Variants in LRRC52 observed in about 807,000 individuals in gnomAD.
LRRC52 encodes leucine rich repeat containing 52.
LRRC52 carries 15 observed loss-of-function variants against 14.7 expected under a neutral mutation model. That is an observed-to-expected ratio of 1.02 (90% CI 0.68 to 1.58). LRRC52 has a LOEUF of 1.58. Among genes scored for constraint, LRRC52 ranks in the 40% most tolerant of loss-of-function variants. LRRC52 has a pLI of 0.00. For synonymous variants in LRRC52, 180 were observed against 163.9 expected (o/e 1.10, Z -0.75); for missense variants, 400 against 387.7 (o/e 1.03, Z -0.27).
At chr1:165,545,351 A>G (rs1040166937) in intron 1 of LRRC52, among the ~76,000 whole-genome samples, 9 of 152,198 alleles carry the variant, frequency 5.9e-5, no homozygotes, top group African/African-American at 2.2e-4. Context: ...TTAATTCAGC[A>G]ACTGAATTTT....
At chr1:165,545,995 A>G (rs915535058) in intron 1 of LRRC52, among the ~76,000 whole-genome samples, 1 of 152,096 alleles carries the variant, frequency 6.6e-6, no homozygotes, top group East Asian at 1.9e-4. Context: ...AACTTCCACC[A>G]TGAAGTACTG....
intron 1 of LRRC52, among the ~76,000 whole-genome samples, chr1:165,554,876 A>G (rs564975926): frequency 6.6e-6 from 1 of 152,352 alleles, no homozygotes; most frequent in African/African-American, 2.4e-5. Flanking sequence ...TTTTCAATGC[A>G]TTTTCTTCTA....
In LRRC52 at chr1:165,544,326, G is replaced by T; in HGVS notation, c.30G>T (p.Gly10=). Residue 10 remains glycine, a synonymous_variant, in exon 1 of 2, where the codon GGG becomes GGT. Coordinates refer to ENST00000294818, the MANE Select transcript of LRRC52 (RefSeq NM_001005214.4). ...CCCTTGCTTCAGGCCCTGGCCCTGG[G>T]TGGTTACTCTTTTCCTTTGGAATGG... MSLASGPGP[G]WLLFSFGMGL... 1 of 1,614,022 alleles carries T rather than the reference G, an allele frequency of 6.2e-7. No homozygotes were observed. The highest frequency in any genetic ancestry group is 1.1e-5 in the South Asian group (1 of 91,062).
At chr1:165,561,437 G>A (rs1557967826) in intron 1 of LRRC52, among the ~76,000 whole-genome samples, 1 of 152,156 alleles carries the variant, frequency 6.6e-6, no homozygotes, top group African/African-American at 2.4e-5. Context: ...TAGAATTCCT[G>A]GAGAGCTCCC....
At chr1:165,550,186 A>G (rs1661102917) in intron 1 of LRRC52, among the ~76,000 whole-genome samples, 2 of 152,156 alleles carry the variant, frequency 1.3e-5, no homozygotes, top group African/African-American at 4.8e-5. Context: ...TTCCCAGGAT[A>G]TTTGATTTCC....
In LRRC52 at chr1:165,558,666, A is replaced by AT. The variant is rs577617554; in HGVS notation, c.623-4832dup. Among the ~76,000 whole-genome samples the AT allele has an allele frequency of 8.3e-4, 127 of 152,170 alleles. 1 individual carries two copies. The South Asian group carries it at 0.015, about 18-fold the overall frequency. The stretch of plus-strand genomic sequence containing the variant: ...GAGCTAAAGAAAAGGAAGTTAAATG[A>AT]TTTTTTTAAAAAAAGGAGGCAACAG... On this transcript the variant is annotated intron_variant, in intron 1 of 1. Transcript: ENST00000294818.
Position 165,548,415 on chromosome 1 carries a change from C to T in LRRC52, c.622+3497C>T, listed in dbSNP as rs74120743. Among the ~76,000 whole-genome samples the T allele has an allele frequency of 6.5e-3, 992 of 152,288 alleles. 3 individuals are homozygous for T. Among genetic ancestry groups the T allele is most frequent in the African/African-American group, 0.022 (924 of 41,542 alleles). ...ACCTGAGGTTGCATATGGAGACTTA[C>T]GTAACTCTAGGTCATCTGTGCCATA... is the stretch of plus-strand genomic sequence containing the variant. On this transcript the variant is annotated intron_variant, in intron 1 of 1. Transcript: ENST00000294818.
chr1:165,562,605 G>T (rs145395098), intron 1 of LRRC52, among the ~76,000 whole-genome samples: 14 of 152,272 alleles, frequency 9.2e-5, no homozygotes, highest in Admixed American at 2.6e-4. Context: ...GACAGAATCC[G>T]GTATCCTGCT....
chr1:165,549,969 G>A (rs976029392), intron 1 of LRRC52, among the ~76,000 whole-genome samples: 5 of 150,034 alleles, frequency 3.3e-5, no homozygotes, highest in African/African-American at 4.9e-5. Flanking sequence ...TTTTAAACAC[G>A]AAAGTTACAG....
chr1:165,544,128 T>C lies in LRRC52; in HGVS notation c.-169T>C. ...GGGCGGCAGGGCATTGAGCCTCGCG[T>C]TTCAATTTCTGTTCAGTTCTCCTGT... is the stretch of plus-strand genomic sequence containing the variant. On this transcript the variant is annotated 5_prime_UTR_variant, in exon 1 of 2. Coordinates refer to ENST00000294818, the MANE Select transcript of LRRC52 (RefSeq NM_001005214.4). The C allele has an allele frequency of 1.2e-6, 1 of 828,466 alleles. No homozygotes were observed. The highest frequency in any genetic ancestry group is 1.9e-6 in the Non-Finnish European group (1 of 540,226). The allele number at this position is 828,466 out of a possible 1,614,324, so 51.3% of individuals were successfully genotyped here. A position where few individuals can be genotyped will look rare whatever the true frequency, so the allele number is the denominator to read the frequency against.
In LRRC52 at chr1:165,544,817, C is replaced by G; in HGVS notation, c.521C>G (p.Thr174Ser). 1 of 1,613,976 alleles carries G rather than the reference C, an allele frequency of 6.2e-7. No individual in the cohort carries two copies. Among genetic ancestry groups the G allele is most frequent in the Non-Finnish European group, 8.5e-7 (1 of 1,179,872 alleles). ...TLDSAALYHL[T>S]TLETLFLSGN... ...GACAGTGCTGCCTTATACCACCTCA[C>G]TACTCTGGAGACCCTGTTTCTGAGT... Residue 174 changes from threonine (T) to serine (S), a missense_variant, in exon 1 of 2, where the codon ACT becomes AGT. By Grantham distance (58) the Thr-to-Ser change is moderately conservative. Coordinates refer to ENST00000294818, the MANE Select transcript of LRRC52 (RefSeq NM_001005214.4).
chr1:165,558,374 T>A (rs974553012), intron 1 of LRRC52, among the ~76,000 whole-genome samples: 2 of 152,240 alleles, frequency 1.3e-5, no homozygotes, highest in Non-Finnish European at 2.9e-5. Flanking sequence ...GTGCACAGCA[T>A]GTAAAACAGT....
chr1:165,555,121 C>A (rs778213279), intron 1 of LRRC52, among the ~76,000 whole-genome samples: 6 of 152,078 alleles, frequency 3.9e-5, no homozygotes, highest in Non-Finnish European at 7.4e-5. Context: ...GAGAAGAAGA[C>A]AATAAATAAA....
chr1:165,552,717 T>A (rs1213848673), intron 1 of LRRC52, among the ~76,000 whole-genome samples: 16 of 152,238 alleles, frequency 1.1e-4, no homozygotes, highest in Admixed American at 9.8e-4. Context: ...AAATGTGTAT[T>A]CATTTAACAT....
At position 165,563,668 on chromosome 1, in the gene LRRC52, T is replaced by G. The variant is rs766025314; in HGVS notation, c.786T>G (p.Ala262=). The G allele has an allele frequency of 1.4e-5, 22 of 1,614,098 alleles. No homozygotes were observed. The highest frequency in any genetic ancestry group is 1.6e-5 in the Non-Finnish European group (19 of 1,180,042). ...GFCIFAAGTV[A]AWLTGVCAVL... is the part of the protein sequence containing the mutation. ...GCATCTTCGCCGCGGGAACTGTGGC[T>G]GCCTGGCTCACAGGTGTGTGTGCTG... The change falls in exon 2 of 2, where the codon GCT becomes GCG. Residue 262 remains alanine (A), a synonymous_variant. Transcript: ENST00000294818.
Position 165,544,208 on chromosome 1 carries a change from T to TCCCCCCCCCCCCCCCCCCCC in LRRC52, c.-84_-83insCCCCCCCCCCCCCCCCCCCC. 2.2e-6 allele frequency: 1 copy of TCCCCCCCCCCCCCCCCCCCC among 448,096 alleles called. No homozygotes were observed. The highest frequency in any genetic ancestry group is 4.2e-6 in the Non-Finnish European group (1 of 235,720). 27.8% of individuals were successfully genotyped at this position (448,096 alleles called of 1,614,324 possible). ...GTGTTACAGTTCTTTCCAGAGCCCC[T>TCCCCCCCCCCCCCCCCCCCC]CCCCCGCCCCACCCCCCCACCGGCA... On this transcript the variant is annotated 5_prime_UTR_variant, in exon 1 of 2. Transcript: ENST00000294818.
chr1:165,545,902 C>A (rs1422607210), intron 1 of LRRC52, among the ~76,000 whole-genome samples: 1 of 152,022 alleles, frequency 6.6e-6, no homozygotes, highest in Non-Finnish European at 1.5e-5. Context: ...CAAATCCTGT[C>A]AAAACCATGT....
In LRRC52 at chr1:165,563,618, A is replaced by G; in HGVS notation, c.736A>G (p.Ile246Val). 1 of 1,614,190 alleles carries G rather than the reference A, an allele frequency of 6.2e-7. No homozygotes were observed. Among genetic ancestry groups the G allele is most frequent in the Non-Finnish European group, 8.5e-7 (1 of 1,180,036 alleles). ...CITHLDHKDY[I>V]FLLLIGFCIF... Reference sequence around the variant, plus strand: ...CACGCACCTGGACCACAAAGACTACATCTTCCTGCTGCTCATCGGCTTCTG... The same window carrying G: ...CACGCACCTGGACCACAAAGACTACGTCTTCCTGCTGCTCATCGGCTTCTG... The change falls in exon 2 of 2, where the codon ATC (isoleucine) becomes GTC (valine). Residue 246 changes from isoleucine to valine, a missense_variant. Transcript: ENST00000294818.
At chr1:165,553,068 T>C (rs1368593874) in intron 1 of LRRC52, among the ~76,000 whole-genome samples, 3 of 152,164 alleles carry the variant, frequency 2.0e-5, no homozygotes, top group Admixed American at 1.3e-4. Context: ...GCATAAAATA[T>C]ACATATATTT....
Sources: gnomAD v4.1 joint callset for allele counts (sites outside exome capture counted in the v4.1 genomes callset) on GRCh38, gnomAD v4.1.1 for gene constraint, MANE v1.5 for transcripts, NCBI Gene and HGNC (gene_info 2026-07-23, HGNC 2026-07-21) for gene names.